PIK3CB: variants seen among roughly 807,000 people sequenced by gnomAD.
PIK3CB encodes the protein phosphatidylinositol 4,5-bisphosphate 3-kinase catalytic subunit beta isoform.
Under a neutral mutation model 136.8 loss-of-function variants are expected in PIK3CB, and 39 were observed. That is an observed-to-expected ratio of 0.29 (90% CI 0.22 to 0.37). The LOEUF is 0.37. Ranked by LOEUF, PIK3CB falls within the 10% of genes least tolerant of loss-of-function variation. The pLI, the probability that PIK3CB is intolerant of heterozygous loss-of-function variation, is 1.00. For missense variants in PIK3CB, 868 were observed against 1,275.4 expected, an observed-to-expected ratio of 0.68 and a Z score of 4.87; for synonymous variants, 428 against 436.6, an observed-to-expected ratio of 0.98 and a Z score of 0.25.
chr3:138,689,678 A>C (rs2043967598), intron 15 of PIK3CB, among the ~76,000 whole-genome samples: 1 of 152,268 alleles, frequency 6.6e-6, no homozygotes, highest in Admixed American at 6.5e-5. Context: ...TAATTAGTTA[A>C]TACTTCAAAG....
chr3:138,703,063 GA>G (rs1227851901), intron 12 of PIK3CB, among the ~76,000 whole-genome samples: 1 of 152,054 alleles, frequency 6.6e-6, no homozygotes, highest in Non-Finnish European at 1.5e-5. Flanking sequence ...AAAACTTTGG[GA>G]AAAAAGACAG....
At chr3:138,817,415 C>T (rs1241505357) in intron 1 of PIK3CB, among the ~76,000 whole-genome samples, 1 of 152,080 alleles carries the variant, frequency 6.6e-6, no homozygotes, top group Non-Finnish European at 1.5e-5. Flanking sequence ...ACTTGGGAGG[C>T]TGAGGCAGGA....
chr3:138,661,000 A>G (rs1048885763), intron 21 of PIK3CB, among the ~76,000 whole-genome samples: 3 of 152,180 alleles, frequency 2.0e-5, no homozygotes, highest in African/African-American at 7.2e-5. Context: ...TTTTCAATGG[A>G]ACCAATCAGA....
At chr3:138,676,715 G>A (rs1314533995) in intron 19 of PIK3CB, among the ~76,000 whole-genome samples, 2 of 152,124 alleles carry the variant, frequency 1.3e-5, no homozygotes, top group East Asian at 3.9e-4. Context: ...ACACTTTGAA[G>A]CCATTACGCT....
chr3:138,775,317 G>A (rs1333764576), intron 2 of PIK3CB, among the ~76,000 whole-genome samples: 11 of 152,160 alleles, frequency 7.2e-5, no homozygotes. Flanking sequence ...TATTTAATAA[G>A]TACTTATTCT....
chr3:138,793,993 G>A (rs1356381356), intron 2 of PIK3CB, among the ~76,000 whole-genome samples: 7 of 152,026 alleles, frequency 4.6e-5, no homozygotes, highest in African/African-American at 1.7e-4. Context: ...ATGGAGTTTC[G>A]CTCTTGTTGC....
chr3:138,663,121 C>T (rs1460575667), intron 21 of PIK3CB, among the ~76,000 whole-genome samples: 1 of 151,974 alleles, frequency 6.6e-6, no homozygotes, highest in East Asian at 1.9e-4. Context: ...AGTGAACAGG[C>T]AACCTACAAA....
chr3:138,745,005 C>T (rs2045324853), intron 4 of PIK3CB, among the ~76,000 whole-genome samples: 1 of 152,204 alleles, frequency 6.6e-6, no homozygotes, highest in African/African-American at 2.4e-5. Flanking sequence ...GTTGTCAATC[C>T]TGTGAAGTCA....
At chr3:138,804,272 G>A (rs2046206839) in intron 1 of PIK3CB, among the ~76,000 whole-genome samples, 1 of 152,194 alleles carries the variant, frequency 6.6e-6, no homozygotes, top group Non-Finnish European at 1.5e-5. Context: ...CTAGCACTTT[G>A]GGAGGCCAAG....
chr3:138,829,321 T>C (rs1223041201), intron 1 of PIK3CB, among the ~76,000 whole-genome samples: 1 of 152,162 alleles, frequency 6.6e-6, no homozygotes, highest in African/African-American at 2.4e-5. Context: ...ATTTACTTCT[T>C]AGTGTAATGA....
chr3:138,701,865 A>T (rs910490725), intron 12 of PIK3CB, among the ~76,000 whole-genome samples: 1 of 150,884 alleles, frequency 6.6e-6, no homozygotes, highest in Non-Finnish European at 1.5e-5. Flanking sequence ...GGTATTTTTT[A>T]AAAAGTAGAC....
At chr3:138,761,757 G>A (rs372508794) in intron 2 of PIK3CB, among the ~76,000 whole-genome samples, 6 of 151,262 alleles carry the variant, frequency 4.0e-5, no homozygotes, top group Non-Finnish European at 7.4e-5. Flanking sequence ...GCAACACAGC[G>A]AGACTTCGTC....
chr3:138,806,561 A>G (rs2108856226), intron 1 of PIK3CB, among the ~76,000 whole-genome samples: 1 of 152,322 alleles, frequency 6.6e-6, no homozygotes, highest in African/African-American at 2.4e-5. Context: ...GATTTCCAAG[A>G]GTGACATAGT....
intron 12 of PIK3CB, among the ~76,000 whole-genome samples, chr3:138,704,154 A>T (rs1427660024): frequency 2.6e-5 from 4 of 152,202 alleles, no homozygotes; most frequent in Non-Finnish European, 5.9e-5. Context: ...TAAACTAAAT[A>T]ATATTCACTA....
chr3:138,742,414 A>T, intron 5 of PIK3CB, 144 bp downstream of exon 5: 1 of 579,314 alleles, frequency 1.7e-6, no homozygotes, highest in South Asian at 2.4e-5. Context: ...ATATAATCCT[A>T]AATACATTTC....
chr3:138,695,931 A>ATTT (rs34470924), intron 13 of PIK3CB, among the ~76,000 whole-genome samples: 1,042 of 90,734 alleles, frequency 0.011, 35 homozygotes, highest in African/African-American at 0.039. Flanking sequence ...AATTTTTTGT[A>ATTT]TTTTTTTTTT....
At chr3:138,803,081 A>G (rs776356178) in intron 1 of PIK3CB, among the ~76,000 whole-genome samples, 4 of 152,218 alleles carry the variant, frequency 2.6e-5, no homozygotes, top group Non-Finnish European at 4.4e-5. Context: ...AACTTTTCAG[A>G]AAGTTCAGAC....
intron 21 of PIK3CB, among the ~76,000 whole-genome samples, chr3:138,661,436 T>C (rs569076176): frequency 3.3e-5 from 5 of 152,246 alleles, no homozygotes; most frequent in Non-Finnish European, 5.9e-5. Context: ...GCCACTTCTC[T>C]ATCTCACTTT....
chr3:138,817,820 C>G (rs1156745950), intron 1 of PIK3CB, among the ~76,000 whole-genome samples: 1 of 152,186 alleles, frequency 6.6e-6, no homozygotes, highest in Non-Finnish European at 1.5e-5. Flanking sequence ...TAGCTAGGCA[C>G]AGTGGCTTGT....
Sources: allele counts gnomAD v4.1 joint callset (sites outside exome capture counted in the v4.1 genomes callset), GRCh38; gene constraint gnomAD v4.1.1; transcripts MANE v1.5; gene names NCBI Gene and HGNC (gene_info 2026-07-23, HGNC 2026-07-21).